Variants in TPO observed in about 807,000 individuals in gnomAD.
The protein encoded by TPO is thyroid microsomal antigen.
A neutral mutation model predicts 96.9 loss-of-function variants in TPO; 78 were observed. That is an observed-to-expected ratio of 0.81 (90% CI 0.67 to 0.97). The LOEUF (loss-of-function observed/expected upper bound fraction) is 0.97. TPO is among the 50% of genes least tolerant of loss of function. The pLI, the probability that TPO is intolerant of heterozygous loss-of-function variation, is 0.00. For synonymous variants in TPO, 547 were observed against 538.0 expected, an observed-to-expected ratio of 1.02 and a Z score of -0.23; for missense variants, 1,252 against 1,274.8, an observed-to-expected ratio of 0.98 and a Z score of 0.27.
In TPO at chr2:1,490,468, A is replaced by T. The variant is rs373325589; in HGVS notation, c.1768+2477A>T. The stretch of plus-strand genomic sequence containing the variant: ...ACACAGCAGTGTAAGAGCCGCCACG[A>T]GGGTCCCACACAGGGGGAGTCACGA... On this transcript the variant is annotated intron_variant, in intron 10 of 16. Coordinates refer to ENST00000329066, the MANE Select transcript of TPO (RefSeq NM_001206744.2). Among the ~76,000 whole-genome samples the T allele has an allele frequency of 8.2e-3, 894 of 108,958 alleles. 10 individuals are homozygous for T. The highest frequency in any genetic ancestry group is 0.027 in the African/African-American group (741 of 27,936). The allele number at this position is 108,958 out of a possible 152,430, so 71.5% of individuals were successfully genotyped here.
At chr2:1,493,419 G>A (rs77496745) in intron 10 of TPO, among the ~76,000 whole-genome samples, 5,759 of 151,606 alleles carry the variant, frequency 0.038, 163 homozygotes, top group South Asian at 0.1. Flanking sequence ...GAGCTCTGGC[G>A]TCCGAGCTGG....
intron 1 of TPO, among the ~76,000 whole-genome samples, chr2:1,398,014 C>A (rs574996665): frequency 1.3e-5 from 2 of 152,182 alleles, no homozygotes; most frequent in African/African-American, 4.8e-5. Context: ...AGTAGCGTTC[C>A]GCACATTTTC....
At chr2:1,388,493 G>T (rs1445421187) in intron 1 of TPO, among the ~76,000 whole-genome samples, 4 of 152,212 alleles carry the variant, frequency 2.6e-5, no homozygotes, top group Non-Finnish European at 5.9e-5. Flanking sequence ...CTCTGTGGGT[G>T]TAGGACCCTC....
chr2:1,537,508 C>G (rs2125325691), intron 15 of TPO, among the ~76,000 whole-genome samples: 1 of 82,724 alleles, frequency 1.2e-5, no homozygotes, highest in South Asian at 5.0e-4. Flanking sequence ...CCAAATCCCC[C>G]CAACTCTGTG....
intron 15 of TPO, among the ~76,000 whole-genome samples, chr2:1,529,918 A>AT (rs1558420731): frequency 3.6e-5 from 2 of 56,140 alleles, no homozygotes; most frequent in African/African-American, 8.9e-5. Context: ...AACTCCCCAA[A>AT]CCCCCCCCTT....
chr2:1,452,751 C>A (rs747810369), intron 5 of TPO, among the ~76,000 whole-genome samples: 9 of 152,062 alleles, frequency 5.9e-5, no homozygotes, highest in Non-Finnish European at 1.2e-4. Context: ...TGGAAAATAC[C>A]TCATTTGCAC....
At chr2:1,419,151 G>A (rs138122854) in intron 2 of TPO, among the ~76,000 whole-genome samples, 3 of 152,288 alleles carry the variant, frequency 2.0e-5, no homozygotes, top group Non-Finnish European at 4.4e-5. Flanking sequence ...ACCGTGCCAT[G>A]CGCCCCTCAG....
At chr2:1,423,634 GAAAAACA>G (rs527443161) in intron 3 of TPO, among the ~76,000 whole-genome samples, 18 of 151,840 alleles carry the variant, frequency 1.2e-4, no homozygotes, top group Non-Finnish European at 1.5e-4. Flanking sequence ...AAAAAGAAAA[GAAAAACA>G]AAAAACAAAA....
chr2:1,514,027 A>G (rs2125062512), intron 14 of TPO, among the ~76,000 whole-genome samples: 1 of 152,324 alleles, frequency 6.6e-6, no homozygotes, highest in South Asian at 2.1e-4. Context: ...ATGTGAAAGC[A>G]TCTCTATTCT....
chr2:1,532,928 T>C (rs1678651878), intron 15 of TPO, among the ~76,000 whole-genome samples: 5 of 96,160 alleles, frequency 5.2e-5, no homozygotes, highest in Admixed American at 1.2e-4. Flanking sequence ...TCGCAAAATC[T>C]CCCCCACTAT....
chr2:1,437,247 C>G (rs1245711922), intron 5 of TPO, among the ~76,000 whole-genome samples: 1 of 152,132 alleles, frequency 6.6e-6, no homozygotes, highest in East Asian at 1.9e-4. Context: ...GGAGAGCAGC[C>G]GGGATTGTGG....
chr2:1,494,146 T>G (rs1573421074), intron 11 of TPO, 107 bp downstream of exon 11: 1 of 1,132,934 alleles, frequency 8.8e-7, no homozygotes, highest in East Asian at 2.3e-5. Flanking sequence ...GCTCCACCAT[T>G]CAACTCTTAC....
At chr2:1,403,445 C>A (rs1275275175) in intron 1 of TPO, among the ~76,000 whole-genome samples, 1 of 152,234 alleles carries the variant, frequency 6.6e-6, no homozygotes, top group Non-Finnish European at 1.5e-5. Context: ...GCTGTGAGGA[C>A]ACAGTGGGGC....
At chr2:1,498,128 A>C (rs1295200933) in intron 13 of TPO, among the ~76,000 whole-genome samples, 4 of 152,184 alleles carry the variant, frequency 2.6e-5, no homozygotes, top group Admixed American at 1.3e-4. Context: ...ATAATTCAGC[A>C]CAATAACAAA....
At chr2:1,540,554 C>A in intron 15 of TPO, 40 bp from the exon 16 acceptor site, 1 of 1,609,668 alleles carries the variant, frequency 6.2e-7, no homozygotes, top group African/African-American at 1.3e-5. Flanking sequence ...AGTCACGGTG[C>A]CGGACCCTCT....
Position 1,402,846 on chromosome 2 carries a change from A to G in TPO, n.180+28444A>G, listed in dbSNP as rs1573062089. 2.6e-5 allele frequency among the ~76,000 whole-genome samples: 4 copies of G among 152,228 alleles called. No individual in the cohort carries two copies. In the East Asian group the frequency reaches 5.8e-4, roughly 22 times the overall value. On this transcript the variant is annotated intron_variant and non_coding_transcript_variant, in intron 1 of 5. Transcript: ENST00000497517. ...TTGAGGGGGGACACATCCGAACCAT[A>G]TCACCCCATATTTTGTACATCTTGA...
rs375140399 is a variant in TPO, at chr2:1,414,524, G to A, written c.94+22G>A. 1.2e-5 allele frequency: 20 copies of A among 1,608,016 alleles called. No homozygotes were observed. In the African/African-American group the frequency reaches 2.5e-4, roughly 20 times the overall value. On this transcript the variant is annotated intron_variant, in intron 2 of 16. Coordinates refer to ENST00000329066, the MANE Select transcript of TPO (RefSeq NM_001206744.2). Reference sequence around the variant, plus strand: ...TGGGGTAAGTAGCAAACACATTGCGGTCTTCTGGCCTTATAAAGTTATTTT... The same window carrying A: ...TGGGGTAAGTAGCAAACACATTGCGATCTTCTGGCCTTATAAAGTTATTTT...
At chr2:1,509,755 C>A (rs1414582486) in intron 14 of TPO, among the ~76,000 whole-genome samples, 1 of 151,940 alleles carries the variant, frequency 6.6e-6, no homozygotes, top group Non-Finnish European at 1.5e-5. Context: ...GACACCCCAC[C>A]CCCTTCTTTC....
chr2:1,488,518 C>T (rs1417269329), intron 10 of TPO, among the ~76,000 whole-genome samples: 2 of 152,150 alleles, frequency 1.3e-5, no homozygotes, highest in African/African-American at 2.4e-5. Context: ...CCAGGCCCCA[C>T]CCGGCAGCCT....
Sources: gnomAD v4.1 joint callset for allele counts (sites outside exome capture counted in the v4.1 genomes callset) on GRCh38, gnomAD v4.1.1 for gene constraint, MANE v1.5 for transcripts, NCBI Gene and HGNC (gene_info 2026-07-23, HGNC 2026-07-21) for gene names.